The following NACC1 variants were observed in gnomAD, a reference collection of about 807,000 sequenced individuals.
NACC1 encodes nucleus accumbens associated 1.
In NACC1, 6 loss-of-function variants were observed where a neutral mutation model predicts 41.7. The ratio of observed to expected loss-of-function variants is 0.14; its 90% confidence interval spans 0.08 to 0.28. The LOEUF (loss-of-function observed/expected upper bound fraction) is 0.28, where lower values mean the gene tolerates loss of function less well. NACC1 is among the 10% of genes least tolerant of loss of function. The pLI, the probability that NACC1 is intolerant of heterozygous loss-of-function variation, is 1.00. For missense variants in NACC1, 434 were observed against 763.7 expected (o/e 0.57, Z 5.09); for synonymous variants, 338 against 330.6 (o/e 1.02, Z -0.24).
chr19:13,126,688 G>C (rs7259253), intron 1 of NACC1, among the ~76,000 whole-genome samples: 1 of 151,932 alleles, frequency 6.6e-6, no homozygotes, highest in East Asian at 1.9e-4. Context: ...CACCTTGGCA[G>C]CTGTCAAAGG....
chr19:13,117,817 G>T (rs184515579), upstream of NACC1, among the ~76,000 whole-genome samples: 1 of 152,258 alleles, frequency 6.6e-6, no homozygotes, highest in Non-Finnish European at 1.5e-5. Flanking sequence ...GTCTCCCAAA[G>T]TGCTGGGATT....
chr19:13,136,102 C>A lies in NACC1; in HGVS notation c.895C>A (p.Gln299Lys). Residue 299 changes from glutamine to lysine, a missense_variant, in exon 2 of 6, where the codon CAG (glutamine) becomes AAG (lysine). By Grantham distance (53) the Gln-to-Lys change is moderately conservative. This residue lies in a region of NACC1 where 234 missense variants were observed against 308.3 expected (regional missense o/e 0.76). Transcript: ENST00000292431. The surrounding 1 kb of genome is among the most constrained non-coding windows in gnomAD (Gnocchi z 5.5). The part of the protein sequence containing the change: ...GEEGMDEQYR[Q>K]ICNMYTMYSM... ...GGAGGGCATGGATGAGCAGTACCGGCAGATCTGCAACATGTACACCATGTA... is the reference window on the plus strand; with the variant it reads ...GGAGGGCATGGATGAGCAGTACCGGAAGATCTGCAACATGTACACCATGTA... 6.2e-7 allele frequency: 1 copy of A among 1,613,960 alleles called. No homozygotes were observed. The highest frequency in any genetic ancestry group is 8.5e-7 in the Non-Finnish European group (1 of 1,180,016).
chr19:13,123,741 C>G (rs898394787), intron 1 of NACC1, among the ~76,000 whole-genome samples: 6 of 152,212 alleles, frequency 3.9e-5, no homozygotes, highest in Non-Finnish European at 8.8e-5. Flanking sequence ...CCTTGCTTCT[C>G]TGAACACCAG....
chr19:13,129,809 A>C (rs1050935210), intron 1 of NACC1, among the ~76,000 whole-genome samples: 5 of 152,006 alleles, frequency 3.3e-5, no homozygotes, highest in African/African-American at 9.7e-5. Context: ...CCACCTTCCC[A>C]ACCCCCACAT....
At chr19:13,121,530 A>T (rs1054705040) in intron 1 of NACC1, among the ~76,000 whole-genome samples, 5 of 151,916 alleles carry the variant, frequency 3.3e-5, no homozygotes, top group African/African-American at 1.2e-4. Context: ...CTTTGAGGAG[A>T]TGTGAGTTTT....
intron 1 of NACC1, among the ~76,000 whole-genome samples, chr19:13,132,904 C>T (rs992161215): frequency 1.3e-5 from 2 of 152,292 alleles, no homozygotes; most frequent in South Asian, 2.1e-4. Context: ...AGGAGCAGGT[C>T]GGTGCTGGAG....
At position 13,136,859 on chromosome 19, in the gene NACC1, TAAAAA is replaced by T. The variant is rs1342058081; in HGVS notation, c.1121-409_1121-405del. 2.6e-5 allele frequency among the ~76,000 whole-genome samples: 4 copies of T among 152,084 alleles called. No individual in the cohort carries two copies. Among genetic ancestry groups the T allele is most frequent in the African/African-American group, 4.8e-5 (2 of 41,506 alleles). Reference sequence around the variant, plus strand: ...GGTGACAGAGTGAGACTTCATCTCTTAAAAAAAGAAGAAGAAGACTGTGTTTGGTC... The same window carrying T: ...GGTGACAGAGTGAGACTTCATCTCTTAAGAAGAAGAAGACTGTGTTTGGTC... On this transcript the variant is annotated intron_variant, in intron 3 of 5. Coordinates refer to ENST00000292431, the MANE Select transcript of NACC1 (RefSeq NM_052876.4). The surrounding 1 kb of genome is among the most constrained non-coding windows in gnomAD (Gnocchi z 5.5).
In NACC1 at chr19:13,137,285, A is replaced by G. The variant is rs1361204071; in HGVS notation, c.1135A>G (p.Ile379Val). ...CCTCTCACCAGGCACCAACGTGTAC[A>G]TCACAAGGGCGCAGCTGATGAACTG... ...LELVTGTNVY[I>V]TRAQLMNCHV... The change falls in exon 4 of 6, where the codon ATC (isoleucine) becomes GTC (valine). Residue 379 changes from isoleucine (I) to valine (V), a missense_variant. Ile to Val is a conservative substitution (Grantham distance 29, BLOSUM62 3). Coordinates refer to ENST00000292431, the MANE Select transcript of NACC1 (RefSeq NM_052876.4). This position sits in a 1 kb window ranked among gnomAD's most constrained non-coding sequence, Gnocchi z 6.1. 1 of 1,613,724 alleles carries G rather than the reference A, an allele frequency of 6.2e-7. No individual in the cohort carries two copies. The highest frequency in any genetic ancestry group is 1.1e-5 in the South Asian group (1 of 91,080).
Position 13,135,808 on chromosome 19 carries a change from C to A in NACC1, c.601C>A (p.Arg201Ser), listed in dbSNP as rs751239305. ...KEAGGGGNGSRKMAKFSTPDL... is the reference protein window; with the variant it reads ...KEAGGGGNGSSKMAKFSTPDL... ...GGCTGGGGGCGGCGGCAATGGCAGCCGCAAGATGGCCAAGTTCTCCACGCC... is the reference window on the plus strand; with the variant it reads ...GGCTGGGGGCGGCGGCAATGGCAGCAGCAAGATGGCCAAGTTCTCCACGCC... Residue 201 changes from arginine to serine, a missense_variant, in exon 2 of 6, where the codon CGC (arginine) becomes AGC (serine). Physicochemically the swap from Arg to Ser is moderately radical, Grantham distance 110 (BLOSUM62 -1). This residue lies in a region of NACC1 where 234 missense variants were observed against 308.3 expected (regional missense o/e 0.76). Transcript: ENST00000292431. 6.4e-7 allele frequency: 1 copy of A among 1,554,406 alleles called. No individual in the cohort carries two copies. The highest frequency in any genetic ancestry group is 2.4e-5 in the East Asian group (1 of 41,960).
rs371854185 is a variant in NACC1, at chr19:13,135,486, C to T, written c.279C>T (p.Asn93=). 2.1e-4 allele frequency: 345 copies of T among 1,613,726 alleles called. No homozygotes were observed. Among genetic ancestry groups the T allele is most frequent in the Non-Finnish European group, 2.5e-4 (298 of 1,179,944 alleles). ...GCTACACGGGCCGGCTGAGCATGAA[C>T]GTGGGCGACCAGTTCCTGCTCATGT... is the stretch of plus-strand genomic sequence containing the variant. The part of the protein sequence containing the change: ...SFCYTGRLSM[N]VGDQFLLMYT... The change falls in exon 2 of 6, where the codon AAC becomes AAT. Residue 93 remains asparagine (N), a synonymous_variant. Transcript: ENST00000292431.
upstream of NACC1, among the ~76,000 whole-genome samples, chr19:13,117,330 T>C (rs1233911394): frequency 6.6e-6 from 1 of 152,198 alleles, no homozygotes; most frequent in Non-Finnish European, 1.5e-5. Context: ...TTTTGCAAAA[T>C]GGGCAGAACT....
At chr19:13,125,991 C>T (rs1176884937) in intron 1 of NACC1, among the ~76,000 whole-genome samples, 1 of 151,946 alleles carries the variant, frequency 6.6e-6, no homozygotes, top group East Asian at 1.9e-4. Flanking sequence ...CCCACCTCGG[C>T]CTCCCAAAGT....
upstream of NACC1, chr19:13,117,508 G>A (rs1216224608): frequency 2.0e-5 from 3 of 151,838 alleles, no homozygotes; most frequent in Non-Finnish European, 4.4e-5. Flanking sequence ...CTTGCTGTGT[G>A]ATGATCTTGA....
rs1425742364 is a variant in NACC1, at chr19:13,136,426, A to C, written c.1120+21A>C. On this transcript the variant is annotated intron_variant, in intron 3 of 5. Coordinates refer to ENST00000292431, the MANE Select transcript of NACC1 (RefSeq NM_052876.4). This position sits in a 1 kb window ranked among gnomAD's most constrained non-coding sequence, Gnocchi z 5.5. Reference sequence around the variant, plus strand: ...GACAGGTGGGCCGGTCTCGCCCCAGATCTCTCCCCTCCGCAGCTTTGGAGC... The same window carrying C: ...GACAGGTGGGCCGGTCTCGCCCCAGCTCTCTCCCCTCCGCAGCTTTGGAGC... 2 of 1,598,144 alleles carry C rather than the reference A, an allele frequency of 1.3e-6. No homozygotes were observed. The highest frequency in any genetic ancestry group is 1.3e-5 in the African/African-American group (1 of 74,528).
chr19:13,119,877 C>G (rs1446016019), intron 1 of NACC1, among the ~76,000 whole-genome samples: 1 of 152,168 alleles, frequency 6.6e-6, no homozygotes, highest in Non-Finnish European at 1.5e-5. Context: ...TCAACTTAGG[C>G]CTTCTCTGGG....
chr19:13,121,339 A>C (rs7249150), intron 1 of NACC1, among the ~76,000 whole-genome samples: 5,058 of 152,214 alleles, frequency 0.033, 249 homozygotes, highest in African/African-American at 0.11. Flanking sequence ...GGATGACCCT[A>C]CTGTGGAGAC....
chr19:13,128,097 C>T (rs1295895939), intron 1 of NACC1, among the ~76,000 whole-genome samples: 1 of 152,128 alleles, frequency 6.6e-6, no homozygotes, highest in Non-Finnish European at 1.5e-5. Flanking sequence ...ACGGCATTCA[C>T]AGGTTTTGGG....
chr19:13,118,531 G>A (rs1379573300), intron 1 of NACC1, 77 bp downstream of exon 1: 2 of 151,398 alleles, frequency 1.3e-5, no homozygotes, highest in Non-Finnish European at 1.5e-5. Context: ...GGAGGGCCTG[G>A]GTGCTTTCTC....
At chr19:13,130,399 C>T (rs987310985) in intron 1 of NACC1, among the ~76,000 whole-genome samples, 1 of 151,714 alleles carries the variant, frequency 6.6e-6, no homozygotes, top group Admixed American at 6.6e-5. Context: ...TTCTTTAACA[C>T]ATTTACAAAT....
Sources: gnomAD v4.1 joint callset for allele counts (sites outside exome capture counted in the v4.1 genomes callset) on GRCh38, gnomAD v4.1.1 for gene constraint, gnomAD v4.1.1 regional missense constraint, Gnocchi (gnomAD v3.1) non-coding constraint, MANE v1.5 for transcripts, NCBI Gene and HGNC (gene_info 2026-07-23, HGNC 2026-07-21) for gene names.